The following SRPK1 variants were observed in gnomAD, a reference collection of about 807,000 sequenced individuals.
SRPK1 encodes the protein SFRS protein kinase 1.
Under a neutral mutation model 89.5 loss-of-function variants are expected in SRPK1, and 52 were observed. That is an observed-to-expected ratio of 0.58 (90% CI 0.46 to 0.73). SRPK1 has a LOEUF of 0.73. SRPK1 is among the 30% of genes least tolerant of loss of function. SRPK1 has a pLI of 0.00. For synonymous variants in SRPK1, 255 were observed against 270.2 expected (o/e 0.94, Z 0.55); for missense variants, 603 against 780.6 (o/e 0.77, Z 2.71).
At chr6:35,840,197 T>C (rs1769277477) in intron 14 of SRPK1, among the ~76,000 whole-genome samples, 1 of 152,202 alleles carries the variant, frequency 6.6e-6, no homozygotes, top group Admixed American at 6.5e-5. Flanking sequence ...GTTATGTATC[T>C]TATAGGGGAA....
rs1769334909 is a variant in SRPK1 at position 35,842,605 on chromosome 6, C to A, written c.1621-1G>T. On this transcript the variant is annotated splice_acceptor_variant, in intron 13 of 15. Transcript: ENST00000373825. LOFTEE classifies it high-confidence loss of function. Reference sequence around the variant, plus strand: ...AGTCACCTGTGGCCAGTTCAAAGGCCTAAAAAAAAAAGAGGACAGTATATG... The same window carrying A: ...AGTCACCTGTGGCCAGTTCAAAGGCATAAAAAAAAAAGAGGACAGTATATG... The A allele has an allele frequency of 3.1e-6, 5 of 1,587,498 alleles. No homozygotes were observed. Among genetic ancestry groups the A allele is most frequent in the Admixed American group, 3.7e-5 (2 of 54,216 alleles).
intron 6 of SRPK1, among the ~76,000 whole-genome samples, chr6:35,882,953 C>A (rs1019735414): frequency 6.6e-6 from 1 of 152,116 alleles, no homozygotes; most frequent in African/African-American, 2.4e-5. Flanking sequence ...GGATTACAGG[C>A]ACGTGCCACC....
intron 2 of SRPK1, among the ~76,000 whole-genome samples, chr6:35,911,872 A>C (rs1770976310): frequency 6.6e-6 from 1 of 152,176 alleles, no homozygotes; most frequent in African/African-American, 2.4e-5. Flanking sequence ...TCCAATTTTG[A>C]AATAAGTTCC....
intron 8 of SRPK1, among the ~76,000 whole-genome samples, 170 bp downstream of exon 8, chr6:35,872,393 C>T (rs1341932314): frequency 6.6e-6 from 1 of 152,174 alleles, no homozygotes; most frequent in African/African-American, 2.4e-5. Context: ...CTAGTTTTCT[C>T]CTTCCCCTAT....
chr6:35,850,569 TC>T (rs1265690873), intron 13 of SRPK1, among the ~76,000 whole-genome samples: 2 of 152,196 alleles, frequency 1.3e-5, no homozygotes, highest in African/African-American at 2.4e-5. Context: ...GTAGAGTTTT[TC>T]CAGTCTTAAC....
chr6:35,875,460 T>G (rs6457865), intron 6 of SRPK1, among the ~76,000 whole-genome samples: 1 of 151,810 alleles, frequency 6.6e-6, no homozygotes, highest in Admixed American at 6.6e-5. Context: ...ATAATCTACC[T>G]GCCTTGGCCT....
At chr6:35,838,970 A>G (rs1020210413) in intron 14 of SRPK1, 4 of 562,700 alleles carry the variant, frequency 7.1e-6, no homozygotes, top group South Asian at 6.1e-5. Context: ...TGGTCACCCG[A>G]TAGTGTCTGG....
chr6:35,886,284 T>C (rs1247726514), intron 6 of SRPK1, among the ~76,000 whole-genome samples: 1 of 152,148 alleles, frequency 6.6e-6, no homozygotes, highest in African/African-American at 2.4e-5. Flanking sequence ...TTCACCATGT[T>C]CGCCAGGTGG....
At chr6:35,838,102 T>C (rs1029203020) in intron 15 of SRPK1, among the ~76,000 whole-genome samples, 2 of 152,044 alleles carry the variant, frequency 1.3e-5, no homozygotes, top group Non-Finnish European at 2.9e-5. Context: ...ACTCCTGATA[T>C]TGTGATTCGC....
intron 2 of SRPK1, among the ~76,000 whole-genome samples, chr6:35,898,616 C>T (rs1000603174): frequency 6.6e-6 from 1 of 152,148 alleles, no homozygotes; most frequent in Non-Finnish European, 1.5e-5. Flanking sequence ...TCTGTAATCT[C>T]AGCTACTTGG....
At chr6:35,902,927 A>C (rs1770775371) in intron 2 of SRPK1, among the ~76,000 whole-genome samples, 1 of 152,188 alleles carries the variant, frequency 6.6e-6, no homozygotes, top group Non-Finnish European at 1.5e-5. Context: ...CTCTGATCAA[A>C]TTGCTAAGTG....
intron 2 of SRPK1, among the ~76,000 whole-genome samples, chr6:35,894,034 GAA>G (rs1258044296): frequency 6.6e-6 from 1 of 151,886 alleles, no homozygotes; most frequent in Non-Finnish European, 1.5e-5. Context: ...AAAAAGAAAA[GAA>G]AGAAAAAGCC....
At chr6:35,846,788 A>C (rs1220637476) in intron 13 of SRPK1, among the ~76,000 whole-genome samples, 3 of 152,196 alleles carry the variant, frequency 2.0e-5, no homozygotes, top group Non-Finnish European at 4.4e-5. Context: ...TCTCCCATCA[A>C]AGAAAAGCCC....
rs559574051 is a variant in SRPK1, at chr6:35,870,781, G to A, written c.777+153C>T. ...TCACCAGTACAAATGTGATGAAGGT[G>A]CATGGGAATTTACTGGAGAAAATTA... On this transcript the variant is annotated intron_variant, in intron 9 of 15. Coordinates refer to ENST00000373825, the MANE Select transcript of SRPK1 (RefSeq NM_003137.5). 5.3e-5 allele frequency among the ~76,000 whole-genome samples: 8 copies of A among 152,272 alleles called. No homozygotes were observed. The South Asian group carries it at 1.7e-3, about 32-fold the overall frequency.
At chr6:35,916,631 G>A (rs1210529579) in intron 2 of SRPK1, among the ~76,000 whole-genome samples, 1 of 151,898 alleles carries the variant, frequency 6.6e-6, no homozygotes, top group African/African-American at 2.4e-5. Context: ...ACTACCAAAT[G>A]TATACTAAAT....
chr6:35,881,440 TATAGATATAG>T (rs1348212886), intron 6 of SRPK1, among the ~76,000 whole-genome samples: 11 of 78,252 alleles, frequency 1.4e-4, no homozygotes, highest in Non-Finnish European at 2.3e-4. Context: ...TAGATATAGA[TATAGATATAG>T]ATATAGATAT....
intron 13 of SRPK1, among the ~76,000 whole-genome samples, chr6:35,847,319 C>T (rs1278518596): frequency 1.3e-5 from 2 of 152,282 alleles, no homozygotes; most frequent in African/African-American, 4.8e-5. Flanking sequence ...GATCCTCCTT[C>T]CTCAGCCTCC....
At chr6:35,857,005 A>G (rs1294778995) in intron 13 of SRPK1, 2 of 397,240 alleles carry the variant, frequency 5.0e-6, no homozygotes, top group Non-Finnish European at 9.0e-6. Flanking sequence ...AGTTGTTTTC[A>G]TTATTTCCCC....
chr6:35,874,488 A>G, intron 6 of SRPK1, 149 bp from the exon 7 acceptor site: 2 of 620,982 alleles, frequency 3.2e-6, no homozygotes, highest in South Asian at 4.1e-5. Flanking sequence ...AGCTGTTAAT[A>G]TTCTAAAATT....
Sources: gnomAD v4.1 joint callset for allele counts (sites outside exome capture counted in the v4.1 genomes callset) on GRCh38, gnomAD v4.1.1 for gene constraint, MANE v1.5 for transcripts, NCBI Gene and HGNC (gene_info 2026-07-23, HGNC 2026-07-21) for gene names.